Variants in NAV1 observed in about 807,000 individuals in gnomAD.
NAV1 encodes the protein pore membrane and/or filament interacting like protein 3.
Under a neutral mutation model 175.2 loss-of-function variants are expected in NAV1, and 18 were observed. That is an observed-to-expected ratio of 0.10 (90% CI 0.07 to 0.15). NAV1 has a LOEUF of 0.15. Among genes scored for constraint, NAV1 ranks in the 10% least tolerant of loss-of-function variants. The pLI is 1.00. For synonymous variants in NAV1, 897 were observed against 978.7 expected (o/e 0.92, Z 1.56); for missense variants, 1,731 against 2,436.6 (o/e 0.71, Z 6.10).
chr1:201,745,378 C>T (rs961431686), intron 3 of NAV1, among the ~76,000 whole-genome samples: 12 of 152,316 alleles, frequency 7.9e-5, no homozygotes, highest in Admixed American at 2.6e-4. Context: ...GTATGAATTT[C>T]CTCACGAACC....
chr1:201,648,490 G>A (rs1464436025), exon 1 of NAV1: 1 of 1,232,398 alleles, frequency 8.1e-7, no homozygotes, highest in Non-Finnish European at 1.0e-6. Flanking sequence ...TGCGCCCTCG[G>A]CTTGCCTCTC....
intron 1 of NAV1, among the ~76,000 whole-genome samples, chr1:201,660,291 G>A (rs889687352): frequency 4.6e-5 from 7 of 152,140 alleles, no homozygotes; most frequent in Non-Finnish European, 7.4e-5. Context: ...CTGTAGTGGC[G>A]GGGCTGAGAC....
intron 2 of NAV1, among the ~76,000 whole-genome samples, chr1:201,642,511 C>CTCTTTCTTTTTCTTTCTT (rs1553247032): frequency 0.017 from 780 of 45,498 alleles, 31 homozygotes; most frequent in African/African-American, 0.061. Context: ...CGCACCCGGC[C>CTCTTTCTTTTTCTTTCTT]TCTTTCTTTC....
chr1:201,652,157 T>C (rs1269308865), intron 1 of NAV1, among the ~76,000 whole-genome samples: 2 of 151,330 alleles, frequency 1.3e-5, no homozygotes, highest in African/African-American at 4.9e-5. Flanking sequence ...CACTGGGCAT[T>C]TGTCCCCACC....
intron 29 of NAV1, among the ~76,000 whole-genome samples, chr1:201,818,300 G>A (rs1015569416): frequency 4.0e-5 from 6 of 151,800 alleles, no homozygotes; most frequent in Non-Finnish European, 7.4e-5. Context: ...AGGCCAAGGC[G>A]GGCGGATCAT....
At chr1:201,743,490 A>C (rs886909696) in intron 3 of NAV1, among the ~76,000 whole-genome samples, 1 of 152,234 alleles carries the variant, frequency 6.6e-6, no homozygotes, top group African/African-American at 2.4e-5. Flanking sequence ...CCTCTCTATA[A>C]AATGGGTATA....
intron 1 of NAV1, among the ~76,000 whole-genome samples, chr1:201,541,378 C>T (rs1370163150): frequency 1.3e-5 from 2 of 152,170 alleles, no homozygotes; most frequent in Admixed American, 1.3e-4. Context: ...ACTTCTTTTT[C>T]CCTCAAAAGC....
At chr1:201,637,091 T>C (rs1411917377) in intron 2 of NAV1, among the ~76,000 whole-genome samples, 1 of 152,236 alleles carries the variant, frequency 6.6e-6, no homozygotes, top group African/African-American at 2.4e-5. Context: ...ATGGCATTCC[T>C]CTGTGAGGTT....
At chr1:201,665,185 T>G (rs1669766764) in intron 1 of NAV1, among the ~76,000 whole-genome samples, 1 of 149,218 alleles carries the variant, frequency 6.7e-6, no homozygotes, top group African/African-American at 2.5e-5. Flanking sequence ...GCCCCACCAT[T>G]CTCCCAGCTC....
intron 24 of NAV1, among the ~76,000 whole-genome samples, chr1:201,811,368 A>G (rs1211388441): frequency 6.6e-6 from 1 of 152,186 alleles, no homozygotes; most frequent in Non-Finnish European, 1.5e-5. Flanking sequence ...CATCTAGGAA[A>G]TAGCATATGT....
chr1:201,724,883 T>A (rs1217140859), intron 3 of NAV1: 1 of 152,708 alleles, frequency 6.5e-6, no homozygotes, highest in East Asian at 1.9e-4. Context: ...TCAGAACAGA[T>A]GGGATTCGTT....
chr1:201,628,928 C>T (rs973269439), intron 1 of NAV1, among the ~76,000 whole-genome samples: 6 of 152,146 alleles, frequency 3.9e-5, no homozygotes, highest in Admixed American at 1.3e-4. Context: ...GCCTGGACTA[C>T]GAGCAAGCCC....
chr1:201,809,287 G>A (rs1444559272), intron 21 of NAV1, 26 bp downstream of exon 25: 1 of 1,610,028 alleles, frequency 6.2e-7, no homozygotes, highest in Admixed American at 1.7e-5. Context: ...GAGAGCCACA[G>A]TGGGAATGAA....
chr1:201,687,232 A>C (rs2102408927), intron 1 of NAV1, among the ~76,000 whole-genome samples: 1 of 152,302 alleles, frequency 6.6e-6, no homozygotes, highest in African/African-American at 2.4e-5. Flanking sequence ...GGAGTGTTTT[A>C]TAGGTTGCTT....
At chr1:201,542,220 CT>C (rs1192796263) in intron 1 of NAV1, among the ~76,000 whole-genome samples, 1 of 152,130 alleles carries the variant, frequency 6.6e-6, no homozygotes, top group Non-Finnish European at 1.5e-5. Flanking sequence ...GAATTTTTAT[CT>C]TCCTAGCGTT....
At chr1:201,627,181 A>T (rs927161101) in intron 1 of NAV1, among the ~76,000 whole-genome samples, 1 of 152,152 alleles carries the variant, frequency 6.6e-6, no homozygotes, top group South Asian at 2.1e-4. Flanking sequence ...TGTAACCTCA[A>T]ACTTTTGGGC....
intron 3 of NAV1, among the ~76,000 whole-genome samples, chr1:201,756,476 T>C (rs944602038): frequency 6.6e-5 from 10 of 152,314 alleles, no homozygotes; most frequent in African/African-American, 2.4e-4. Flanking sequence ...ACAAGAAGTG[T>C]CTCAGGGCCC....
At chr1:201,758,131 T>A (rs972407607) in intron 3 of NAV1, among the ~76,000 whole-genome samples, 1 of 152,210 alleles carries the variant, frequency 6.6e-6, no homozygotes, top group African/African-American at 2.4e-5. Context: ...AGTAAGGTCT[T>A]TGGGGCCAGA....
intron 13 of NAV1, 180 bp from the exon 18 acceptor site, chr1:201,793,611 AT>A (rs1677245787): frequency 5.1e-6 from 3 of 583,516 alleles, no homozygotes; most frequent in Non-Finnish European, 9.1e-6. Context: ...CCACCAGAAA[AT>A]TTCTTTGATT....
Sources: gnomAD v4.1 joint callset for allele counts (sites outside exome capture counted in the v4.1 genomes callset) on GRCh38, gnomAD v4.1.1 for gene constraint, MANE v1.5 for transcripts, NCBI Gene and HGNC (gene_info 2026-07-23, HGNC 2026-07-21) for gene names.